The following LRRC1 variants were observed in gnomAD, a reference collection of about 807,000 sequenced individuals.
LRRC1 encodes leucine rich repeat containing 1.
LRRC1 carries 28 observed loss-of-function variants against 69.9 expected under a neutral mutation model. That is an observed-to-expected ratio of 0.40 (90% confidence interval 0.30 to 0.55). The LOEUF (loss-of-function observed/expected upper bound fraction) is 0.55. Among genes scored for constraint, LRRC1 ranks in the 20% least tolerant of loss-of-function variants. The pLI is 0.47. For synonymous variants in LRRC1, 236 were observed against 240.2 expected (o/e 0.98, Z 0.16); for missense variants, 498 against 609.0 (o/e 0.82, Z 1.92).
At chr6:53,830,286 C>T (rs1167867442) in intron 1 of LRRC1, among the ~76,000 whole-genome samples, 2 of 152,178 alleles carry the variant, frequency 1.3e-5, no homozygotes, top group Non-Finnish European at 2.9e-5. Context: ...GGAGCTTTGC[C>T]TTTTCTTGTC....
chr6:53,896,358 A>T (rs559034935), intron 4 of LRRC1, 140 bp from the exon 5 acceptor site: 2 of 690,846 alleles, frequency 2.9e-6, no homozygotes, highest in Non-Finnish European at 5.2e-6. Flanking sequence ...GGTGGTGATG[A>T]TAGGTATTTT....
rs574060029 is a variant in LRRC1, at chr6:53,882,908, A to G, written c.378A>G (p.Glu126=). 28 of 1,607,336 alleles carry G rather than the reference A, an allele frequency of 1.7e-5. No individual in the cohort carries two copies. In the South Asian group the frequency reaches 2.9e-4, roughly 17 times the overall value. The change falls in exon 4 of 14, where the codon GAA becomes GAG. Residue 126 remains glutamate (E), a synonymous_variant. Transcript: ENST00000370888. ...TTAGGTTGCCAGAAAGCTTTCCTGAATTACAGAATTTAACATGTCTTTCTG... is the reference window on the plus strand; with the variant it reads ...TTAGGTTGCCAGAAAGCTTTCCTGAGTTACAGAATTTAACATGTCTTTCTG... ...PLTRLPESFP[E]LQNLTCLSVN...
Position 53,795,426 on chromosome 6 carries a change from G to C in LRRC1, c.159+11G>C. 1 of 1,606,388 alleles carries C rather than the reference G, an allele frequency of 6.2e-7. No homozygotes were observed. Among genetic ancestry groups the C allele is most frequent in the Non-Finnish European group, 8.5e-7 (1 of 1,178,190 alleles). The stretch of plus-strand genomic sequence containing the variant: ...CGCGAGCTGCCCGAGGTAAGGGTCC[G>C]GCCTCACCTGAGCGCTCTGCCCGCT... On this transcript the variant is annotated intron_variant, in intron 1 of 13. Transcript: ENST00000370888.
intron 4 of LRRC1, among the ~76,000 whole-genome samples, chr6:53,888,919 A>T (rs570255101): frequency 3.3e-5 from 5 of 152,354 alleles, no homozygotes; most frequent in African/African-American, 1.2e-4. Flanking sequence ...AAGTGAAAAG[A>T]CAACCCACAG....
chr6:53,853,677 T>C (rs1201382900), intron 2 of LRRC1, among the ~76,000 whole-genome samples: 1 of 152,324 alleles, frequency 6.6e-6, no homozygotes, highest in East Asian at 1.9e-4. Flanking sequence ...CTGGGGTAAC[T>C]GTTGTGCTGT....
intron 2 of LRRC1, among the ~76,000 whole-genome samples, chr6:53,863,285 T>A (rs1437496627): frequency 6.6e-6 from 1 of 152,216 alleles, no homozygotes; most frequent in African/African-American, 2.4e-5. Flanking sequence ...GCCAAGTAGA[T>A]GCAGTGTTCA....
chr6:53,842,071 A>T, intron 1 of LRRC1, 39 bp from the exon 2 acceptor site: 1 of 1,291,452 alleles, frequency 7.7e-7, no homozygotes, highest in Non-Finnish European at 1.1e-6. Context: ...TATGATACAA[A>T]CATATGTGAA....
intron 2 of LRRC1, among the ~76,000 whole-genome samples, chr6:53,859,751 C>G (rs1425895895): frequency 1.3e-5 from 2 of 151,968 alleles, no homozygotes; most frequent in Non-Finnish European, 2.9e-5. Context: ...TTACTTGTTT[C>G]TATTGACTTT....
chr6:53,912,176 T>C (rs911037477), intron 10 of LRRC1, among the ~76,000 whole-genome samples: 2 of 152,208 alleles, frequency 1.3e-5, no homozygotes, highest in Non-Finnish European at 2.9e-5. Context: ...ACCTTGAGTG[T>C]ACATAAACAT....
At chr6:53,830,442 T>A (rs1193535990) in intron 1 of LRRC1, among the ~76,000 whole-genome samples, 1 of 152,238 alleles carries the variant, frequency 6.6e-6, no homozygotes, top group South Asian at 2.1e-4. Flanking sequence ...TTAGGCCTTG[T>A]CTTTGTGGTT....
chr6:53,919,707 G>A (rs1027658935), intron 12 of LRRC1, 37 bp downstream of exon 12: 5 of 1,578,690 alleles, frequency 3.2e-6, no homozygotes, highest in African/African-American at 1.4e-5. Flanking sequence ...ACAGGGCCAC[G>A]AGATTGAGTA....
chr6:53,827,159 G>T (rs960515121), intron 1 of LRRC1, among the ~76,000 whole-genome samples: 5 of 152,038 alleles, frequency 3.3e-5, no homozygotes, highest in African/African-American at 1.2e-4. Flanking sequence ...TGGCAGATTT[G>T]GTTCTTTCTC....
intron 7 of LRRC1, among the ~76,000 whole-genome samples, 197 bp from the exon 8 acceptor site, chr6:53,899,550 G>A (rs998247976): frequency 6.6e-6 from 1 of 152,148 alleles, no homozygotes; most frequent in Non-Finnish European, 1.5e-5. Context: ...CCAGCTCTGG[G>A]TCTGTGATTC....
chr6:53,908,588 G>T (rs1448544901), intron 10 of LRRC1, among the ~76,000 whole-genome samples: 1 of 152,122 alleles, frequency 6.6e-6, no homozygotes, highest in African/African-American at 2.4e-5. Context: ...TTTCAAGATG[G>T]AGAAGTAATT....
chr6:53,887,448 T>A (rs1221749496), intron 4 of LRRC1, among the ~76,000 whole-genome samples: 1 of 151,996 alleles, frequency 6.6e-6, no homozygotes, highest in Non-Finnish European at 1.5e-5. Flanking sequence ...TTCTGTGCGA[T>A]GAAGGGAGAG....
intron 4 of LRRC1, among the ~76,000 whole-genome samples, chr6:53,891,384 A>T (rs1767674256): frequency 6.6e-6 from 1 of 152,138 alleles, no homozygotes; most frequent in South Asian, 2.1e-4. Flanking sequence ...AAATAAAGGT[A>T]TCCATAGACA....
Position 53,879,034 on chromosome 6 carries a change from C to T in LRRC1, c.319C>T (p.Leu107=), listed in dbSNP as rs1383045350. 10 of 1,613,520 alleles carry T rather than the reference C, an allele frequency of 6.2e-6. No homozygotes were observed. In the South Asian group the frequency reaches 1.1e-4, roughly 18 times the overall value. ...IPESISFCKA[L]QVADFSGNPL... is the part of the protein sequence containing the mutation. ...AGAAAGCATTTCATTCTGTAAAGCACTGCAGGTAGCTGACTTCAGCGGAAA... is the reference window on the plus strand; with the variant it reads ...AGAAAGCATTTCATTCTGTAAAGCATTGCAGGTAGCTGACTTCAGCGGAAA... Residue 107 remains leucine, a synonymous_variant, in exon 3 of 14, where the codon CTG becomes TTG. Coordinates refer to ENST00000370888, the MANE Select transcript of LRRC1 (RefSeq NM_018214.5).
Position 53,922,754 on chromosome 6 carries a change from G to C in LRRC1, c.1536G>C (p.Glu512Asp). Reference protein sequence around the residue: ...AAKGLDSNKNEVNHAIDRVTT... With the variant: ...AAKGLDSNKNDVNHAIDRVTT... ...AAGGACTGGACTCAAACAAAAACGA[G>C]GTCAATCATGCCATTGACCGAGTGA... The change falls in exon 14 of 14, where the codon GAG (glutamate) becomes GAC (aspartate). Residue 512 changes from glutamate (E) to aspartate (D), a missense_variant. This residue lies in a region of LRRC1 where 162 missense variants were observed against 162.9 expected (regional missense o/e 0.99). Transcript: ENST00000370888. 6.2e-7 allele frequency: 1 copy of C among 1,614,036 alleles called. No homozygotes were observed. Among genetic ancestry groups the C allele is most frequent in the Non-Finnish European group, 8.5e-7 (1 of 1,179,964 alleles).
At chr6:53,850,266 T>C (rs1387392768) in intron 2 of LRRC1, among the ~76,000 whole-genome samples, 1 of 152,178 alleles carries the variant, frequency 6.6e-6, no homozygotes, top group East Asian at 1.9e-4. Flanking sequence ...GCAACTGATG[T>C]GAAAAAGACA....
Sources: gnomAD v4.1 joint callset for allele counts (sites outside exome capture counted in the v4.1 genomes callset) on GRCh38, gnomAD v4.1.1 for gene constraint, gnomAD v4.1.1 regional missense constraint, MANE v1.5 for transcripts, NCBI Gene and HGNC (gene_info 2026-07-23, HGNC 2026-07-21) for gene names.